PLCB1: variants seen among roughly 807,000 people sequenced by gnomAD.
The protein encoded by PLCB1 is 1-phosphatidylinositol 4,5-bisphosphate phosphodiesterase beta-1.
In PLCB1, 46 loss-of-function variants were observed where a neutral mutation model predicts 161.8. The observed-to-expected ratio is 0.28, with a 90% CI of 0.22 to 0.36. The LOEUF (loss-of-function observed/expected upper bound fraction) is 0.36. Ranked by LOEUF, PLCB1 falls within the 10% of genes least tolerant of loss-of-function variation. PLCB1 has a pLI of 1.00. For synonymous variants in PLCB1, 517 were observed against 503.7 expected, an observed-to-expected ratio of 1.03 and a Z score of -0.35; for missense variants, 1,016 against 1,472.5, an observed-to-expected ratio of 0.69 and a Z score of 5.07.
intron 31 of PLCB1, among the ~76,000 whole-genome samples, chr20:8,842,920 T>G (rs1400445437): frequency 6.6e-6 from 1 of 152,160 alleles, no homozygotes; most frequent in Non-Finnish European, 1.5e-5. Flanking sequence ...TTACTTCTTC[T>G]TTCTTTGGAG....
At chr20:8,638,678 CTG>C (rs1212949553) in intron 4 of PLCB1, among the ~76,000 whole-genome samples, 1 of 152,142 alleles carries the variant, frequency 6.6e-6, no homozygotes, top group African/African-American at 2.4e-5. Flanking sequence ...TTAAGAAACT[CTG>C]TCTCTGTTTC....
At chr20:8,456,124 A>G (rs1213694271) in intron 3 of PLCB1, among the ~76,000 whole-genome samples, 6 of 152,248 alleles carry the variant, frequency 3.9e-5, no homozygotes, top group Non-Finnish European at 7.3e-5. Context: ...ATAACTTAGC[A>G]TGCTATCACA....
At chr20:8,571,200 G>A (rs1890263116) in intron 3 of PLCB1, among the ~76,000 whole-genome samples, 1 of 152,202 alleles carries the variant, frequency 6.6e-6, no homozygotes, top group African/African-American at 2.4e-5. Context: ...GGGAGGCCAG[G>A]CATGGTGGCT....
intron 2 of PLCB1, among the ~76,000 whole-genome samples, chr20:8,349,012 A>G (rs544445854): frequency 1.3e-4 from 20 of 152,298 alleles, no homozygotes; most frequent in Admixed American, 7.9e-4. Context: ...ATGTATGTAT[A>G]TACACACATA....
chr20:8,286,193 A>G (rs1321276967), intron 2 of PLCB1, among the ~76,000 whole-genome samples: 3 of 152,122 alleles, frequency 2.0e-5, no homozygotes, highest in African/African-American at 4.8e-5. Flanking sequence ...GCGTGGTAGC[A>G]TATGCCTGTA....
At chr20:8,189,914 T>C (rs1184869544) in intron 2 of PLCB1, among the ~76,000 whole-genome samples, 1 of 152,004 alleles carries the variant, frequency 6.6e-6, no homozygotes, top group East Asian at 1.9e-4. Context: ...AATGCACAAG[T>C]GTGAAAAAGC....
chr20:8,262,801 A>G (rs1981770042), intron 2 of PLCB1, among the ~76,000 whole-genome samples: 1 of 152,170 alleles, frequency 6.6e-6, no homozygotes, highest in Admixed American at 6.5e-5. Flanking sequence ...TCTGACTTGC[A>G]GCTGCCTTCT....
At chr20:8,705,460 A>C (rs1042562665) in intron 11 of PLCB1, among the ~76,000 whole-genome samples, 1 of 152,228 alleles carries the variant, frequency 6.6e-6, no homozygotes, top group Non-Finnish European at 1.5e-5. Flanking sequence ...AGAAGTTTAC[A>C]CTGTCTAGTG....
At position 8,881,623 on chromosome 20, in the gene PLCB1, T is replaced by G; in HGVS notation, c.3425T>G (p.Leu1142Arg). The G allele has an allele frequency of 6.2e-7, 1 of 1,612,970 alleles. No homozygotes were observed. Among genetic ancestry groups the G allele is most frequent in the Non-Finnish European group, 8.5e-7 (1 of 1,178,964 alleles). The stretch of plus-strand genomic sequence containing the variant: ...ATCTCCCCTCTTGATGTCTCTCAGC[T>G]GCAGGTGGAGCTGGAGCAAGAATAC... Reference protein sequence around the residue: ...RQQILDEKPKLQVELEQEYQD... With the variant: ...RQQILDEKPKRQVELEQEYQD... The change falls in exon 32 of 32, where the codon CTG becomes CGG. Residue 1142 changes from leucine (L) to arginine (R), a missense_variant and splice_region_variant. Coordinates refer to ENST00000338037, the MANE Select transcript of PLCB1 (RefSeq NM_015192.4).
chr20:8,486,787 GC>G, intron 3 of PLCB1, among the ~76,000 whole-genome samples: 1 of 152,210 alleles, frequency 6.6e-6, no homozygotes, highest in Admixed American at 6.5e-5. Context: ...GAGCCACCGC[GC>G]CCGGCCTCCA....
At chr20:8,378,783 A>G (rs751370398) in intron 3 of PLCB1, among the ~76,000 whole-genome samples, 4 of 152,234 alleles carry the variant, frequency 2.6e-5, no homozygotes, top group African/African-American at 4.8e-5. Context: ...CCATCCTCTC[A>G]AACCCTGCTT....
At chr20:8,542,598 A>G (rs1297326160) in intron 3 of PLCB1, among the ~76,000 whole-genome samples, 2 of 152,240 alleles carry the variant, frequency 1.3e-5, no homozygotes, top group African/African-American at 4.8e-5. Context: ...GAGAAAAAGA[A>G]CAGCACTTAA....
At chr20:8,662,080 G>A (rs1233282726) in intron 9 of PLCB1, among the ~76,000 whole-genome samples, 3 of 720 alleles carry the variant, frequency 4.2e-3, no homozygotes, top group Admixed American at 0.021. Flanking sequence ...TTATTATACA[G>A]TTATATAATA....
intron 3 of PLCB1, among the ~76,000 whole-genome samples, chr20:8,445,978 A>G (rs1260328831): frequency 6.6e-6 from 1 of 152,234 alleles, no homozygotes; most frequent in Non-Finnish European, 1.5e-5. Context: ...TACCAGAGGT[A>G]CAAGGAGGAG....
intron 2 of PLCB1, among the ~76,000 whole-genome samples, chr20:8,240,452 T>G (rs982204363): frequency 2.0e-5 from 3 of 152,028 alleles, no homozygotes; most frequent in African/African-American, 7.2e-5. Flanking sequence ...CTATTTTTAT[T>G]TGATGCACAA....
intron 3 of PLCB1, among the ~76,000 whole-genome samples, chr20:8,378,712 T>A (rs1382141101): frequency 1.3e-5 from 2 of 152,208 alleles, no homozygotes; most frequent in African/African-American, 2.4e-5. Flanking sequence ...TTCTGTAACA[T>A]GAAATCCTGT....
chr20:8,286,366 G>T (rs187862690), intron 2 of PLCB1, among the ~76,000 whole-genome samples: 8 of 152,140 alleles, frequency 5.3e-5, no homozygotes, highest in African/African-American at 1.9e-4. Context: ...CCAAGTTTAC[G>T]TGAATGCCAT....
chr20:8,413,047 A>G lies in PLCB1; in HGVS notation c.246+41597A>G, dbSNP rs142102196. On this transcript the variant is annotated intron_variant, in intron 3 of 31. Coordinates refer to ENST00000338037, the MANE Select transcript of PLCB1 (RefSeq NM_015192.4). ...GAATTCTAGCTCCAAAATTTGTTTT[A>G]TTTGCTAAAGACTTTGACCAAATTG... Among the ~76,000 whole-genome samples, 65 of 151,314 alleles carry G rather than the reference A, an allele frequency of 4.3e-4. No homozygotes were observed. In the East Asian group the frequency reaches 0.012, roughly 29 times the overall value.
intron 3 of PLCB1, among the ~76,000 whole-genome samples, chr20:8,381,398 T>G (rs372510619): frequency 2.6e-5 from 4 of 152,136 alleles, no homozygotes; most frequent in African/African-American, 7.2e-5. Flanking sequence ...TGGCCTGAAG[T>G]TTTTTTTGTT....
Sources: gnomAD v4.1 joint callset for allele counts (sites outside exome capture counted in the v4.1 genomes callset) on GRCh38, gnomAD v4.1.1 for gene constraint, MANE v1.5 for transcripts, NCBI Gene and HGNC (gene_info 2026-07-23, HGNC 2026-07-21) for gene names.